The following LUZP2 variants were observed in gnomAD, a reference collection of about 807,000 sequenced individuals.
The protein encoded by LUZP2 is leucine zipper protein 2.
LUZP2 carries 52 observed loss-of-function variants against 51.6 expected under a neutral mutation model. That is an observed-to-expected ratio of 1.01 (90% CI 0.81 to 1.27). The LOEUF (loss-of-function observed/expected upper bound fraction) is 1.27. Ranked by LOEUF, LUZP2 falls within the 50% of genes most tolerant of loss-of-function variation. LUZP2 has a pLI of 0.00. For missense variants in LUZP2, 436 were observed against 395.4 expected (o/e 1.10, Z -0.87); for synonymous variants, 154 against 137.3 (o/e 1.12, Z -0.85).
At chr11:24,999,557 A>C (rs1856616425) in intron 9 of LUZP2, among the ~76,000 whole-genome samples, 1 of 152,084 alleles carries the variant, frequency 6.6e-6, no homozygotes, top group Admixed American at 6.6e-5. Context: ...TCCTTTTAGT[A>C]GAGTTTTACC....
chr11:24,927,137 C>T (rs1253279023), intron 7 of LUZP2, among the ~76,000 whole-genome samples: 1 of 150,066 alleles, frequency 6.7e-6, no homozygotes, highest in Non-Finnish European at 1.5e-5. Context: ...TTGAGTTCCT[C>T]ATAGATTCTG....
At chr11:24,741,709 C>T (rs1447878475) in intron 4 of LUZP2, among the ~76,000 whole-genome samples, 1 of 150,168 alleles carries the variant, frequency 6.7e-6, no homozygotes, top group Non-Finnish European at 1.5e-5. Flanking sequence ...ATAATAGTCT[C>T]CAATCTCATC....
chr11:25,027,190 T>G (rs903849224), intron 9 of LUZP2, among the ~76,000 whole-genome samples: 2 of 152,156 alleles, frequency 1.3e-5, no homozygotes, highest in Non-Finnish European at 2.9e-5. Context: ...GCTCCTCTAA[T>G]GTAACAAGGA....
At chr11:24,971,824 G>T (rs1199321843) in intron 7 of LUZP2, among the ~76,000 whole-genome samples, 1 of 151,780 alleles carries the variant, frequency 6.6e-6, no homozygotes, top group African/African-American at 2.4e-5. Flanking sequence ...TTTTTACCAG[G>T]TAAAAAAAGG....
chr11:24,964,701 A>G (rs1360181891), intron 7 of LUZP2, among the ~76,000 whole-genome samples: 1 of 152,100 alleles, frequency 6.6e-6, no homozygotes, highest in East Asian at 1.9e-4. Context: ...GGCAAAATGG[A>G]TTAATAGTAA....
At chr11:24,818,503 A>C (rs1347423819) in intron 5 of LUZP2, among the ~76,000 whole-genome samples, 3 of 152,026 alleles carry the variant, frequency 2.0e-5, no homozygotes. Flanking sequence ...CAATTCTAAT[A>C]AATTATCTAT....
intron 5 of LUZP2, among the ~76,000 whole-genome samples, chr11:24,770,802 C>T (rs77016287): frequency 0.08 from 12,196 of 152,130 alleles, 1,053 homozygotes; most frequent in African/African-American, 0.22. Context: ...CTTACAAAAT[C>T]GTTTGAAGAG....
intron 1 of LUZP2, among the ~76,000 whole-genome samples, chr11:24,616,475 A>ATGTGTGTGTGTGTGTGTGTGTGTG (rs61413263): frequency 1.0e-5 from 1 of 98,444 alleles, no homozygotes; most frequent in African/African-American, 3.3e-5. Flanking sequence ...TGGCGTGCGC[A>ATGTGTGTGTGTGTGTGTGTGTGTG]TGTGTGTGTG....
At chr11:25,035,448 A>C (rs967087595) in intron 9 of LUZP2, among the ~76,000 whole-genome samples, 2 of 152,134 alleles carry the variant, frequency 1.3e-5, no homozygotes. Context: ...GCCAGAAAGA[A>C]AAATGAAATA....
chr11:25,076,436 C>A (rs1182484116), intron 10 of LUZP2, among the ~76,000 whole-genome samples: 1 of 151,892 alleles, frequency 6.6e-6, no homozygotes, highest in East Asian at 1.9e-4. Context: ...AATGCAGATT[C>A]TTACACTACA....
intron 5 of LUZP2, among the ~76,000 whole-genome samples, chr11:24,823,349 G>C (rs1850418085): frequency 7.0e-6 from 1 of 143,868 alleles, no homozygotes; most frequent in African/African-American, 2.6e-5. Context: ...TGTGACTGAA[G>C]AGTAGTGGAC....
chr11:24,904,364 G>A (rs897142390), intron 5 of LUZP2, among the ~76,000 whole-genome samples: 1 of 151,904 alleles, frequency 6.6e-6, no homozygotes, highest in Non-Finnish European at 1.5e-5. Context: ...CTCACTGCAA[G>A]CTCTGCCTCC....
intron 1 of LUZP2, among the ~76,000 whole-genome samples, chr11:24,503,069 A>G (rs1850049535): frequency 6.6e-6 from 1 of 152,204 alleles, no homozygotes; most frequent in Non-Finnish European, 1.5e-5. Flanking sequence ...TCACTGATAT[A>G]GAGGCAGCCC....
chr11:24,733,638 T>C (rs751301648), intron 3 of LUZP2, among the ~76,000 whole-genome samples: 20 of 151,640 alleles, frequency 1.3e-4, no homozygotes, highest in Non-Finnish European at 1.9e-4. Context: ...AGAGTGTTGG[T>C]GGTGAGATGT....
At chr11:25,015,335 C>T (rs1032102846) in intron 9 of LUZP2, among the ~76,000 whole-genome samples, 7 of 152,250 alleles carry the variant, frequency 4.6e-5, no homozygotes, top group Middle Eastern at 3.4e-3. Context: ...TATAATCATG[C>T]TACATATATC....
intron 11 of LUZP2, 114 bp from the exon 12 acceptor site, chr11:25,078,440 A>C (rs1161404398): frequency 1.4e-6 from 1 of 731,090 alleles, no homozygotes; most frequent in Non-Finnish European, 2.3e-6. Context: ...ATTTTCTCTA[A>C]GATATTTGTT....
intron 10 of LUZP2, among the ~76,000 whole-genome samples, chr11:25,056,166 C>T (rs1199270743): frequency 6.6e-6 from 1 of 152,038 alleles, no homozygotes; most frequent in Non-Finnish European, 1.5e-5. Flanking sequence ...ACAGCAGAAC[C>T]AGATGCAGCT....
chr11:25,018,626 T>TA (rs759574420), intron 9 of LUZP2, among the ~76,000 whole-genome samples: 1 of 29,726 alleles, frequency 3.4e-5, no homozygotes, highest in African/African-American at 3.8e-4. Flanking sequence ...TTTTTTTTTT[T>TA]AAAGACACTC....
chr11:25,010,001 A>G (rs1170631077), intron 9 of LUZP2, among the ~76,000 whole-genome samples: 1 of 152,240 alleles, frequency 6.6e-6, no homozygotes, highest in Non-Finnish European at 1.5e-5. Context: ...GAACAATATT[A>G]AAAATACAGT....
Sources: allele counts gnomAD v4.1 joint callset (sites outside exome capture counted in the v4.1 genomes callset), GRCh38; gene constraint gnomAD v4.1.1; transcripts MANE v1.5; gene names NCBI Gene and HGNC (gene_info 2026-07-23, HGNC 2026-07-21).